SLC2A9: variants seen among roughly 807,000 people sequenced by gnomAD.
The protein encoded by SLC2A9 is solute carrier family 2, facilitated glucose transporter member 9.
A neutral mutation model predicts 50.6 loss-of-function variants in SLC2A9; 39 were observed. That is an observed-to-expected ratio of 0.77 (90% confidence interval 0.60 to 1.01). The LOEUF is 1.01. Among genes scored for constraint, SLC2A9 ranks in the 50% least tolerant of loss-of-function variants. The pLI is 0.00. For missense variants in SLC2A9, 686 were observed against 677.6 expected (o/e 1.01, Z -0.14); for synonymous variants, 324 against 276.9 (o/e 1.17, Z -1.69).
chr4:9,929,479 G>A (rs2110152859), intron 6 of SLC2A9, among the ~76,000 whole-genome samples: 1 of 152,348 alleles, frequency 6.6e-6, no homozygotes, highest in African/African-American at 2.4e-5. Context: ...CTCCCTGAAT[G>A]TCTACACTGC....
At chr4:9,782,099 G>A (rs755160094) in intron 3 of SLC2A9, 1 of 1,533,926 alleles carries the variant, frequency 6.5e-7, no homozygotes, top group Non-Finnish European at 8.8e-7. Flanking sequence ...GCTGGCGCAG[G>A]GGAACGCCGT....
chr4:9,805,663 T>G (rs894600668), intron 3 of SLC2A9, among the ~76,000 whole-genome samples: 6 of 149,012 alleles, frequency 4.0e-5, no homozygotes, highest in Admixed American at 2.7e-4. Context: ...ACCACTGCAC[T>G]TCAGCCTGCG....
At chr4:10,037,045 T>A (rs1764130072) in intron 1 of SLC2A9, among the ~76,000 whole-genome samples, 1 of 152,244 alleles carries the variant, frequency 6.6e-6, no homozygotes, top group Non-Finnish European at 1.5e-5. Context: ...TATTTAGTCA[T>A]TCAATGCTTA....
chr4:9,889,837 C>A (rs1440960574), intron 9 of SLC2A9, among the ~76,000 whole-genome samples: 3 of 152,206 alleles, frequency 2.0e-5, no homozygotes, highest in Non-Finnish European at 4.4e-5. Flanking sequence ...TGCCCTGAGC[C>A]ATGCAGGGGG....
In SLC2A9 at chr4:9,931,932, C is replaced by CTCTCTCTCAA. The variant is rs1553878793; in HGVS notation, c.814+9980_814+9981insTTGAGAGAGA. ...AGAATGACTCTCTCTCTCTCTCTCT[C>CTCTCTCTCAA]TCTCTCTCTCTCTCTCTCTCTCTCT... is the stretch of plus-strand genomic sequence containing the variant. On this transcript the variant is annotated intron_variant, in intron 6 of 11. Transcript: ENST00000264784. Among the ~76,000 whole-genome samples the CTCTCTCTCAA allele has an allele frequency of 1.0e-3, 49 of 47,840 alleles. 2 individuals carry two copies. The highest frequency in any genetic ancestry group is 2.4e-3 in the African/African-American group (17 of 7,040). 31.4% of individuals were successfully genotyped at this position (47,840 alleles called of 152,430 possible).
At chr4:9,836,782 A>C (rs192076113) in intron 10 of SLC2A9, among the ~76,000 whole-genome samples, 64 of 152,336 alleles carry the variant, frequency 4.2e-4, no homozygotes, top group Admixed American at 3.0e-3. Flanking sequence ...AGGATGCAGC[A>C]GGCTGTTGGG....
chr4:9,923,259 G>C (rs1263859411), intron 6 of SLC2A9, among the ~76,000 whole-genome samples: 5 of 152,216 alleles, frequency 3.3e-5, no homozygotes, highest in Non-Finnish European at 7.3e-5. Context: ...TAAGGTACAT[G>C]GATGTGCTTT....
intron 10 of SLC2A9, among the ~76,000 whole-genome samples, chr4:9,864,712 G>T (rs1022229502): frequency 1.3e-5 from 2 of 152,220 alleles, no homozygotes; most frequent in Non-Finnish European, 2.9e-5. Flanking sequence ...ATAAAAGAGA[G>T]AAAATGCCAT....
chr4:9,949,089 A>G (rs535691392), intron 5 of SLC2A9, among the ~76,000 whole-genome samples: 2 of 152,156 alleles, frequency 1.3e-5, no homozygotes, highest in Admixed American at 6.5e-5. Context: ...ACCTTATAGC[A>G]TTCCCTCCCG....
In SLC2A9 at chr4:9,950,872, G is replaced by A. The variant is rs1250169130; in HGVS notation, c.682-8827C>T. On this transcript the variant is annotated intron_variant, in intron 5 of 11. Transcript: ENST00000264784. ...CGCGCCACTGCACGCCAGCCTGGGC[G>A]ACAGAGCGAGACTCCGTCTCAAAAA... Among the ~76,000 whole-genome samples, 4 of 22,832 alleles carry A rather than the reference G, an allele frequency of 1.8e-4. 2 individuals carry two copies. In the African/African-American group the frequency reaches 2.7e-3, roughly 15 times the overall value. The allele number at this position is 22,832 out of a possible 152,430, so 15.0% of individuals were successfully genotyped here. A position where few individuals can be genotyped will look rare whatever the true frequency, so the allele number is the denominator to read the frequency against.
intron 10 of SLC2A9, among the ~76,000 whole-genome samples, chr4:9,844,488 G>T (rs922409194): frequency 2.6e-5 from 4 of 152,162 alleles, no homozygotes; most frequent in Non-Finnish European, 5.9e-5. Flanking sequence ...CATAAGCAAA[G>T]AAATATTCTT....
At position 9,941,776 on chromosome 4, in the gene SLC2A9, T is replaced by A. The variant is rs944843729; in HGVS notation, c.814+137A>T. On this transcript the variant is annotated intron_variant, in intron 6 of 11. Transcript: ENST00000264784. ...GAAGATGAAATGAGAAGGTACCCTA[T>A]GATACCCAGCCCAGTGCCTGCAAAA... 3.2e-6 allele frequency: 4 copies of A among 1,258,634 alleles called. No homozygotes were observed. The African/African-American group carries it at 6.0e-5, about 19-fold the overall frequency. The allele number at this position is 1,258,634 out of a possible 1,614,324, so 78.0% of individuals were successfully genotyped here.
chr4:9,867,983 G>A (rs560726231), intron 10 of SLC2A9, among the ~76,000 whole-genome samples: 7 of 152,150 alleles, frequency 4.6e-5, no homozygotes, highest in East Asian at 1.9e-4. Context: ...CTCTGAGAAC[G>A]TGCCTTGCAC....
chr4:9,949,933 C>A (rs1412621969), intron 5 of SLC2A9, among the ~76,000 whole-genome samples: 1 of 152,172 alleles, frequency 6.6e-6, no homozygotes, highest in African/African-American at 2.4e-5. Context: ...TAGTGACAGC[C>A]AGCAAATGTT....
chr4:9,930,110 C>A (rs184861202), intron 6 of SLC2A9, among the ~76,000 whole-genome samples: 1 of 152,158 alleles, frequency 6.6e-6, no homozygotes, highest in Non-Finnish European at 1.5e-5. Flanking sequence ...CTGTCCTCCC[C>A]GCAAATCCTG....
intron 3 of SLC2A9, among the ~76,000 whole-genome samples, chr4:9,781,107 C>T (rs565874351): frequency 9.8e-5 from 15 of 152,296 alleles, no homozygotes; most frequent in African/African-American, 3.4e-4. Flanking sequence ...GAGCCTGTTC[C>T]TAGGAGACAC....
chr4:9,811,815 A>G (rs1477359764), intron 3 of SLC2A9, among the ~76,000 whole-genome samples: 1 of 152,216 alleles, frequency 6.6e-6, no homozygotes, highest in East Asian at 1.9e-4. Flanking sequence ...GAGGTGGCCA[A>G]GCTGAGAAGA....
intron 2 of SLC2A9, among the ~76,000 whole-genome samples, chr4:10,014,939 T>C (rs918009009): frequency 1.1e-4 from 16 of 151,930 alleles, no homozygotes; most frequent in African/African-American, 1.5e-4. Flanking sequence ...CCAAACCCCA[T>C]AGGGAGGGGA....
chr4:9,988,777 T>C (rs551009382), intron 3 of SLC2A9, among the ~76,000 whole-genome samples: 1 of 152,190 alleles, frequency 6.6e-6, no homozygotes, highest in South Asian at 2.1e-4. Context: ...CAAGGAAGCA[T>C]GGTAGGGTGA....
Sources: gnomAD v4.1 joint callset for allele counts (sites outside exome capture counted in the v4.1 genomes callset) on GRCh38, gnomAD v4.1.1 for gene constraint, MANE v1.5 for transcripts, NCBI Gene and HGNC (gene_info 2026-07-23, HGNC 2026-07-21) for gene names.